Variants in WRN observed in about 807,000 individuals in gnomAD.
WRN encodes the protein bifunctional 3'-5' exonuclease/ATP-dependent helicase WRN.
A neutral mutation model predicts 180.7 loss-of-function variants in WRN; 149 were observed. That is an observed-to-expected ratio of 0.82 (90% CI 0.72 to 0.94). The LOEUF (loss-of-function observed/expected upper bound fraction) is 0.94, where lower values mean the gene tolerates loss of function less well. WRN is among the 40% of genes least tolerant of loss of function. WRN has a pLI of 0.00. For synonymous variants in WRN, 548 were observed against 568.9 expected (o/e 0.96, Z 0.52); for missense variants, 1,661 against 1,700.1 (o/e 0.98, Z 0.40).
At chr8:31,101,846 C>A (rs1196109717) in intron 18 of WRN, among the ~76,000 whole-genome samples, 1 of 145,526 alleles carries the variant, frequency 6.9e-6, no homozygotes, top group Non-Finnish European at 1.5e-5. Context: ...ACATGATTGG[C>A]ATATTTACAT....
At chr8:31,112,583 A>G (rs1801361080) in intron 19 of WRN, among the ~76,000 whole-genome samples, 2 of 151,868 alleles carry the variant, frequency 1.3e-5, no homozygotes, top group East Asian at 2.0e-4. Flanking sequence ...TTTACTTTTT[A>G]TAAGCCTTTA....
intron 31 of WRN, among the ~76,000 whole-genome samples, chr8:31,153,267 C>T (rs1007826464): frequency 2.0e-5 from 3 of 152,124 alleles, no homozygotes; most frequent in South Asian, 2.1e-4. Flanking sequence ...CCCCAAAACC[C>T]AACTACCCTG....
chr8:31,168,236 G>T (rs913681160), intron 34 of WRN, among the ~76,000 whole-genome samples: 3 of 151,994 alleles, frequency 2.0e-5, no homozygotes, highest in African/African-American at 7.2e-5. Flanking sequence ...GAACATTAAA[G>T]AAAACATATT....
chr8:31,153,583 A>G (rs1036239013), intron 31 of WRN, among the ~76,000 whole-genome samples: 3 of 152,224 alleles, frequency 2.0e-5, no homozygotes, highest in African/African-American at 7.2e-5. Flanking sequence ...GTGAGAGTTT[A>G]GCTCTGAGAT....
chr8:31,137,804 C>T (rs539169777), intron 24 of WRN, among the ~76,000 whole-genome samples: 5 of 151,910 alleles, frequency 3.3e-5, no homozygotes, highest in South Asian at 4.2e-4. Context: ...CTTGTGCATG[C>T]GTGTGGTATA....
chr8:31,066,618 G>T (rs1322006489), intron 5 of WRN, among the ~76,000 whole-genome samples: 1 of 151,408 alleles, frequency 6.6e-6, no homozygotes, highest in South Asian at 2.1e-4. Context: ...TTTTTTAAGG[G>T]AGAGCATAAT....
At chr8:31,065,358 T>C (rs1046555128) in intron 5 of WRN, among the ~76,000 whole-genome samples, 1 of 152,116 alleles carries the variant, frequency 6.6e-6, no homozygotes, top group Non-Finnish European at 1.5e-5. Context: ...CTGGTACCCA[T>C]TAGTTATTTT....
intron 30 of WRN, among the ~76,000 whole-genome samples, chr8:31,147,961 C>T (rs745540367): frequency 8.1e-5 from 12 of 148,964 alleles, no homozygotes; most frequent in Non-Finnish European, 1.2e-4. Context: ...GATCACTGCT[C>T]ACTGCAGCCT....
At chr8:31,063,227 C>G (rs1180630942) in intron 3 of WRN, among the ~76,000 whole-genome samples, 1 of 152,148 alleles carries the variant, frequency 6.6e-6, no homozygotes, top group East Asian at 1.9e-4. Flanking sequence ...AAAATGCTAA[C>G]AAACTGTGTA....
chr8:31,140,270 G>A (rs7464895), intron 24 of WRN, among the ~76,000 whole-genome samples: 1 of 152,114 alleles, frequency 6.6e-6, no homozygotes, highest in South Asian at 2.1e-4. Context: ...CTGGGCTTAA[G>A]TGATCCTCCC....
At position 31,083,060 on chromosome 8, in the gene WRN, A is replaced by AT. The variant is rs536628432; in HGVS notation, c.1270-633dup. 2.6e-4 allele frequency among the ~76,000 whole-genome samples: 40 copies of AT among 152,012 alleles called. No individual in the cohort carries two copies. The South Asian group carries it at 8.1e-3, about 31-fold the overall frequency. The stretch of plus-strand genomic sequence containing the variant: ...CCTACTTCCTGTTTAAATATTTGGC[A>AT]TTTTTTGAGGGTTTTCTTTCTATGG... On this transcript the variant is annotated intron_variant, in intron 9 of 34. Coordinates refer to ENST00000298139, the MANE Select transcript of WRN (RefSeq NM_000553.6).
chr8:31,104,029 C>T (rs1341130800), intron 18 of WRN, among the ~76,000 whole-genome samples: 3 of 152,210 alleles, frequency 2.0e-5, no homozygotes, highest in African/African-American at 7.2e-5. Flanking sequence ...CCACTGCGCC[C>T]GGCCTTCAGA....
intron 18 of WRN, among the ~76,000 whole-genome samples, chr8:31,106,305 G>A (rs149437624): frequency 2.1e-3 from 320 of 151,824 alleles, no homozygotes; most frequent in Middle Eastern, 0.017. Flanking sequence ...TCAACACAGC[G>A]TCCAGAGTGA....
Position 31,087,779 on chromosome 8 carries a change from T to C in WRN, c.1435T>C (p.Leu479=), listed in dbSNP as rs545516221. 6.2e-7 allele frequency: 1 copy of C among 1,613,346 alleles called. No individual in the cohort carries two copies. The highest frequency in any genetic ancestry group is 8.5e-7 in the Non-Finnish European group (1 of 1,179,574). The change falls in exon 12 of 35, where the codon TTA becomes CTA. Residue 479 remains leucine (L), a synonymous_variant. Transcript: ENST00000298139. ...AAGATTTCTTTTAAACTTTCAGTCT[T>C]TAGAAAACCTCAATAGTGGCACGGT... is the stretch of plus-strand genomic sequence containing the variant. ...EDLEMEMLKS[L]ENLNSGTVEP... is the part of the protein sequence containing the mutation.
chr8:31,068,426 T>G, intron 7 of WRN, 99 bp downstream of exon 7: 1 of 987,866 alleles, frequency 1.0e-6, no homozygotes, highest in Non-Finnish European at 1.6e-6. Flanking sequence ...TTTAGTACTA[T>G]AACTTCTTGA....
chr8:31,118,608 C>G (rs1056382184), intron 20 of WRN, among the ~76,000 whole-genome samples: 2 of 151,576 alleles, frequency 1.3e-5, no homozygotes, highest in African/African-American at 4.8e-5. Context: ...TGTTATATAC[C>G]TTAGTGTGGC....
chr8:31,149,177 C>G (rs1802990840), intron 30 of WRN, among the ~76,000 whole-genome samples: 1 of 151,948 alleles, frequency 6.6e-6, no homozygotes, highest in Non-Finnish European at 1.5e-5. Context: ...GCGGGCGGAT[C>G]ACGAGGTTAG....
At chr8:31,168,377 A>AT (rs1310926698) in intron 34 of WRN, among the ~76,000 whole-genome samples, 1 of 151,948 alleles carries the variant, frequency 6.6e-6, no homozygotes, top group Non-Finnish European at 1.5e-5. Flanking sequence ...GTAACTTACT[A>AT]TTTTTTCTCA....
intron 12 of WRN, among the ~76,000 whole-genome samples, chr8:31,088,347 G>A (rs142475114): frequency 2.2e-3 from 333 of 152,204 alleles, no homozygotes; most frequent in African/African-American, 7.1e-3. Context: ...ACTTCATTGT[G>A]CTGTGCAGTT....
Sources: allele counts gnomAD v4.1 joint callset (sites outside exome capture counted in the v4.1 genomes callset), GRCh38; gene constraint gnomAD v4.1.1; transcripts MANE v1.5; gene names NCBI Gene and HGNC (gene_info 2026-07-23, HGNC 2026-07-21).